Variants in DHX36 observed in about 807,000 individuals in gnomAD.
The protein encoded by DHX36 is ATP-dependent DNA/RNA helicase DHX36.
In DHX36, 50 loss-of-function variants were observed where a neutral mutation model predicts 139.0. That is an observed-to-expected ratio of 0.36 (90% CI 0.29 to 0.46). DHX36 has a LOEUF of 0.46. DHX36 is among the 20% of genes least tolerant of loss of function. The pLI, the probability that DHX36 is intolerant of heterozygous loss-of-function variation, is 1.00. For missense variants in DHX36, 1,024 were observed against 1,211.3 expected (o/e 0.85, Z 2.29); for synonymous variants, 425 against 401.9 (o/e 1.06, Z -0.69).
At position 154,275,076 on chromosome 3, in the gene DHX36, T is replaced by C. The variant is rs376689148; in HGVS notation, c.*1095A>G. 3 of 152,348 alleles carry C rather than the reference T, an allele frequency of 2.0e-5. No homozygotes were observed. The highest frequency in any genetic ancestry group is 4.4e-5 in the Non-Finnish European group (3 of 68,036). 9.4% of individuals were successfully genotyped at this position (152,348 alleles called of 1,614,324 possible). On this transcript the variant is annotated 3_prime_UTR_variant, in exon 25 of 25. Coordinates refer to ENST00000496811, the MANE Select transcript of DHX36 (RefSeq NM_020865.3). ...AGCCTATGTGCTTTACATGTATTAA[T>C]GTACTTCATCCTCACAACTGTTACA...
Position 154,287,984 on chromosome 3 carries a change from A to G in DHX36, c.2031+882T>C, listed in dbSNP as rs868534713. 2.6e-5 allele frequency among the ~76,000 whole-genome samples: 4 copies of G among 152,156 alleles called. No individual in the cohort carries two copies. The South Asian group carries it at 8.3e-4, about 32-fold the overall frequency. On this transcript the variant is annotated intron_variant, in intron 17 of 24. Coordinates refer to ENST00000496811, the MANE Select transcript of DHX36 (RefSeq NM_020865.3). Reference sequence around the variant, plus strand: ...TACAAAGCAATGGGAACTCTCATCCACCACTGGTAGGAGTTTAAGTGGTTT... The same window carrying G: ...TACAAAGCAATGGGAACTCTCATCCGCCACTGGTAGGAGTTTAAGTGGTTT...
intron 22 of DHX36, chr3:154,278,703 C>T (rs1042373726): frequency 1.3e-5 from 2 of 152,214 alleles, no homozygotes; most frequent in African/African-American, 4.8e-5. Flanking sequence ...TGGTCTCAAA[C>T]TTCTGACCTC....
chr3:154,309,222 T>A lies in DHX36; in HGVS notation c.813+431A>T, dbSNP rs147177580. On this transcript the variant is annotated intron_variant, in intron 5 of 24. Transcript: ENST00000496811. ...ATAAATAAATCACTGACTACAGAAATGCAGCTTAAAAAAAAAAACAAGGTT... is the reference window on the plus strand; with the variant it reads ...ATAAATAAATCACTGACTACAGAAAAGCAGCTTAAAAAAAAAAACAAGGTT... 1.2e-3 allele frequency among the ~76,000 whole-genome samples: 179 copies of A among 150,392 alleles called. 1 individual carries two copies. The highest frequency in any genetic ancestry group is 4.0e-3 in the African/African-American group (163 of 40,804).
intron 12 of DHX36, among the ~76,000 whole-genome samples, chr3:154,298,326 A>C (rs1231798652): frequency 6.6e-6 from 1 of 152,172 alleles, no homozygotes; most frequent in Non-Finnish European, 1.5e-5. Context: ...TGTTTATAAT[A>C]ATGGGGGAAG....
At chr3:154,303,860 AC>A (rs1422117573) in intron 8 of DHX36, among the ~76,000 whole-genome samples, 17 of 152,246 alleles carry the variant, frequency 1.1e-4, no homozygotes, top group African/African-American at 3.1e-4. Flanking sequence ...ATAGATTGTT[AC>A]TATTTCAAAA....
At chr3:154,298,301 T>G (rs1055560706) in intron 12 of DHX36, among the ~76,000 whole-genome samples, 2 of 152,194 alleles carry the variant, frequency 1.3e-5, no homozygotes, top group Non-Finnish European at 2.9e-5. Context: ...AAATTATAAG[T>G]ACACTATACA....
At chr3:154,315,743 T>G (rs1712953862) in intron 2 of DHX36, among the ~76,000 whole-genome samples, 1 of 152,070 alleles carries the variant, frequency 6.6e-6, no homozygotes. Flanking sequence ...TTTCACTTCT[T>G]GCAGATCTCC....
chr3:154,291,127 T>C (rs1240461406), intron 15 of DHX36, among the ~76,000 whole-genome samples: 2 of 72,462 alleles, frequency 2.8e-5, no homozygotes, highest in African/African-American at 6.5e-5. Flanking sequence ...AGAGCGAGAC[T>C]CCGTCTCAAA....
chr3:154,311,492 T>A (rs1303679828), intron 4 of DHX36, 144 bp downstream of exon 4: 1 of 620,126 alleles, frequency 1.6e-6, no homozygotes, highest in Non-Finnish European at 2.6e-6. Context: ...TTTTTGTCCT[T>A]AATTCAAAAG....
intron 12 of DHX36, among the ~76,000 whole-genome samples, chr3:154,297,300 G>C (rs940668964): frequency 2.6e-5 from 4 of 152,206 alleles, no homozygotes; most frequent in African/African-American, 4.8e-5. Context: ...ATAGAAAATT[G>C]CCTTTAGAGA....
At chr3:154,294,775 T>C (rs1039683981) in intron 13 of DHX36, among the ~76,000 whole-genome samples, 1 of 152,218 alleles carries the variant, frequency 6.6e-6, no homozygotes, top group African/African-American at 2.4e-5. Flanking sequence ...CTGTAGATCA[T>C]AACATTATCC....
At chr3:154,285,821 A>T (rs544762583) in intron 17 of DHX36, among the ~76,000 whole-genome samples, 30 of 150,724 alleles carry the variant, frequency 2.0e-4, no homozygotes, top group South Asian at 4.2e-4. Flanking sequence ...TTTTTTTTTT[A>T]AAAGACCTCT....
At chr3:154,281,173 T>G (rs1424756553) in intron 20 of DHX36, among the ~76,000 whole-genome samples, 1 of 152,154 alleles carries the variant, frequency 6.6e-6, no homozygotes, top group Non-Finnish European at 1.5e-5. Flanking sequence ...AGAAAAAGTT[T>G]GCATGTTGTA....
chr3:154,283,404 T>G, intron 19 of DHX36, 133 bp from the exon 20 acceptor site: 2 of 635,824 alleles, frequency 3.1e-6, no homozygotes, highest in Non-Finnish European at 2.7e-6. Flanking sequence ...TTCAAAGAAT[T>G]TTATAACTGA....
At chr3:154,282,179 A>T (rs1408957994) in intron 20 of DHX36, among the ~76,000 whole-genome samples, 2 of 152,150 alleles carry the variant, frequency 1.3e-5, no homozygotes, top group African/African-American at 4.8e-5. Context: ...ACGTTCAATT[A>T]CACAGGATTT....
intron 1 of DHX36, among the ~76,000 whole-genome samples, chr3:154,318,615 T>C (rs912037827): frequency 3.3e-5 from 5 of 152,178 alleles, no homozygotes; most frequent in African/African-American, 9.7e-5. Flanking sequence ...TTCATTTTCA[T>C]TAAAAAGTCA....
rs1452157323 is a variant in DHX36, at chr3:154,299,907, A to G, written c.1480T>C (p.Phe494Leu). ...CTGATATTGTCCCAGCCTGGCAGAAAGACCAGTATCGCACCATCCTATATG... is the reference window on the plus strand; with the variant it reads ...CTGATATTGTCCCAGCCTGGCAGAAGGACCAGTATCGCACCATCCTATATG... ...LEEEDGAILV[F>L]LPGWDNISTL... Residue 494 changes from phenylalanine (F) to leucine (L), a missense_variant, in exon 12 of 25, where the codon TTT becomes CTT. By Grantham distance (22) the Phe-to-Leu change is conservative. Coordinates refer to ENST00000496811, the MANE Select transcript of DHX36 (RefSeq NM_020865.3). 1 of 1,613,458 alleles carries G rather than the reference A, an allele frequency of 6.2e-7. No homozygotes were observed.
rs1329405470 is a variant in DHX36 at position 154,273,253 on chromosome 3, T to G, written c.*2918A>C. On this transcript the variant is annotated 3_prime_UTR_variant, in exon 25 of 25. Coordinates refer to ENST00000496811, the MANE Select transcript of DHX36 (RefSeq NM_020865.3). Reference sequence around the variant, plus strand: ...GTAAACAAAAGAAACAGAATGTAAGTAGCACCTTGGATTAAAATGTCCAAC... The same window carrying G: ...GTAAACAAAAGAAACAGAATGTAAGGAGCACCTTGGATTAAAATGTCCAAC... The G allele has an allele frequency of 6.6e-6, 1 of 152,174 alleles. No individual in the cohort carries two copies. The highest frequency in any genetic ancestry group is 6.5e-5 in the Admixed American group (1 of 15,278). The allele number at this position is 152,174 out of a possible 1,614,324, so 9.4% of individuals were successfully genotyped here. A position where few individuals can be genotyped will look rare whatever the true frequency, so the allele number is the denominator to read the frequency against.
At chr3:154,276,694 G>T (rs1010291911) in intron 24 of DHX36, 53 bp downstream of exon 24, 28 of 1,552,010 alleles carry the variant, frequency 1.8e-5, no homozygotes, top group South Asian at 4.6e-5. Flanking sequence ...AAAACCACAT[G>T]ACCACATGCT....
Sources: gnomAD v4.1 joint callset for allele counts (sites outside exome capture counted in the v4.1 genomes callset) on GRCh38, gnomAD v4.1.1 for gene constraint, MANE v1.5 for transcripts, NCBI Gene and HGNC (gene_info 2026-07-23, HGNC 2026-07-21) for gene names.